Variants in GOLGA4 observed in about 807,000 individuals in gnomAD.
The protein encoded by GOLGA4 is golgin subfamily A member 4.
GOLGA4 carries 169 observed loss-of-function variants against 265.9 expected under a neutral mutation model. That is an observed-to-expected ratio of 0.64 (90% CI 0.56 to 0.72). GOLGA4 has a LOEUF of 0.72. Among genes scored for constraint, GOLGA4 ranks in the 30% least tolerant of loss-of-function variants. The pLI, the probability that GOLGA4 is intolerant of heterozygous loss-of-function variation, is 0.00. For synonymous variants in GOLGA4, 923 were observed against 855.8 expected (o/e 1.08, Z -1.37); for missense variants, 2,482 against 2,483.4 (o/e 1.00, Z 0.01).
In GOLGA4 at chr3:37,263,473, A is replaced by C. The variant is rs527248326; in HGVS notation, c.162+11989A>C. ...CCGATGGCTGTATTCTCTCCCTTGG[A>C]CACCCCTCCATGATGTTCACATGAC... On this transcript the variant is annotated intron_variant, in intron 2 of 23. Coordinates refer to ENST00000361924, the MANE Select transcript of GOLGA4 (RefSeq NM_002078.5). 2.0e-5 allele frequency among the ~76,000 whole-genome samples: 3 copies of C among 152,248 alleles called. No individual in the cohort carries two copies. The East Asian group carries it at 5.8e-4, about 29-fold the overall frequency.
At chr3:37,273,450 T>G in intron 2 of GOLGA4, 1 of 716,612 alleles carries the variant, frequency 1.4e-6, no homozygotes, top group Non-Finnish European at 2.4e-6. Flanking sequence ...ATCTGATAGG[T>G]CTTGGCACAT....
intron 2 of GOLGA4, among the ~76,000 whole-genome samples, chr3:37,272,223 C>T (rs892824532): frequency 6.6e-6 from 1 of 152,094 alleles, no homozygotes; most frequent in South Asian, 2.1e-4. Flanking sequence ...GAAACCCGTC[C>T]CTGGTGCCAA....
rs370629815 is a variant in GOLGA4, at chr3:37,311,636, A to G, written c.1235-3784A>G. On this transcript the variant is annotated intron_variant, in intron 10 of 23. Coordinates refer to ENST00000361924, the MANE Select transcript of GOLGA4 (RefSeq NM_002078.5). ...TACCATATGTCAATGAAAGATTTCA[A>G]TGGTTTCTTTCTAGGTGTGAAATTA... is the stretch of plus-strand genomic sequence containing the variant. Among the ~76,000 whole-genome samples the G allele has an allele frequency of 7.9e-4, 121 of 152,330 alleles. 5 individuals are homozygous for G. The South Asian group carries it at 0.024, about 30-fold the overall frequency.
chr3:37,292,827 G>A (rs1459935738), intron 5 of GOLGA4, among the ~76,000 whole-genome samples: 1 of 152,186 alleles, frequency 6.6e-6, no homozygotes, highest in Non-Finnish European at 1.5e-5. Flanking sequence ...ATGGATCTCT[G>A]AAAACATTAT....
intron 1 of GOLGA4, among the ~76,000 whole-genome samples, chr3:37,248,996 C>G (rs1426564035): frequency 6.6e-6 from 1 of 152,112 alleles, no homozygotes; most frequent in Non-Finnish European, 1.5e-5. Context: ...TCTAGTAGTA[C>G]TTTTCTAACT....
At chr3:37,273,738 G>A in intron 2 of GOLGA4, 2 of 575,258 alleles carry the variant, frequency 3.5e-6, no homozygotes, top group South Asian at 2.2e-5. Context: ...GGTAAACACA[G>A]GTTTGCTCAT....
In GOLGA4 at chr3:37,289,219, T is replaced by TC. The variant is rs779297543; in HGVS notation, c.526-15dup. The TC allele has an allele frequency of 5.3e-6, 8 of 1,503,874 alleles. No individual in the cohort carries two copies. The highest frequency in any genetic ancestry group is 4.2e-5 in the African/African-American group (3 of 71,706). The allele number at this position is 1,503,874 out of a possible 1,614,324, so 93.2% of individuals were successfully genotyped here. A position where few individuals can be genotyped will look rare whatever the true frequency, so the allele number is the denominator to read the frequency against. On this transcript the variant is annotated splice_polypyrimidine_tract_variant and intron_variant, in intron 4 of 23. Coordinates refer to ENST00000361924, the MANE Select transcript of GOLGA4 (RefSeq NM_002078.5). ...GTTAGCTGTTTAACCAGCTTTTTTT[T>TC]CTCTCTCAATTAAAGGGTATATTAA...
intron 10 of GOLGA4, among the ~76,000 whole-genome samples, chr3:37,310,505 A>C (rs2096920097): frequency 6.6e-6 from 1 of 152,164 alleles, no homozygotes; most frequent in Admixed American, 6.5e-5. Context: ...TGATGACTGA[A>C]TGGTTGGATT....
At chr3:37,275,948 C>CT in intron 2 of GOLGA4, 1 of 1,613,482 alleles carries the variant, frequency 6.2e-7, no homozygotes, top group Non-Finnish European at 8.5e-7. Context: ...TGAGAAAGAC[C>CT]TTGACGAAAA....
At chr3:37,317,841 A>T (rs2096942285) in intron 11 of GOLGA4, among the ~76,000 whole-genome samples, 1 of 152,162 alleles carries the variant, frequency 6.6e-6, no homozygotes, top group Admixed American at 6.5e-5. Context: ...AGGCCTTTGC[A>T]CATACGTCCT....
At position 37,325,337 on chromosome 3, in the gene GOLGA4, A is replaced by G. The variant is rs2096966926; in HGVS notation, c.3451A>G (p.Thr1151Ala). The change falls in exon 14 of 24, where the codon ACT (threonine) becomes GCT (alanine). Residue 1151 changes from threonine to alanine, a missense_variant. Transcript: ENST00000361924. ...CTTGAATAAGTCTCTGAAGGAAAAT[A>G]CTTTTCTTCAAGAGCAGCTAGTTGA... ...VDLNKSLKEN[T>A]FLQEQLVELK... 1 of 1,613,562 alleles carries G rather than the reference A, an allele frequency of 6.2e-7. No individual in the cohort carries two copies. The highest frequency in any genetic ancestry group is 1.7e-5 in the Admixed American group (1 of 59,986).
At chr3:37,278,816 T>C (rs1362408696) in intron 2 of GOLGA4, among the ~76,000 whole-genome samples, 4 of 149,740 alleles carry the variant, frequency 2.7e-5, no homozygotes, top group African/African-American at 9.7e-5. Flanking sequence ...TTGTTTACTT[T>C]TTTTTTTTTT....
chr3:37,249,311 T>C (rs2096727676), intron 1 of GOLGA4, among the ~76,000 whole-genome samples: 3 of 152,380 alleles, frequency 2.0e-5, no homozygotes, highest in Admixed American at 2.0e-4. Context: ...GTGCTTTCCC[T>C]TGCCATTTTC....
intron 2 of GOLGA4, among the ~76,000 whole-genome samples, chr3:37,262,863 G>A (rs2096773683): frequency 6.6e-6 from 1 of 152,078 alleles, no homozygotes; most frequent in South Asian, 2.1e-4. Context: ...GTGATGGACT[G>A]CATATATGAC....
intron 20 of GOLGA4, among the ~76,000 whole-genome samples, chr3:37,341,140 A>G (rs1377610763): frequency 6.6e-6 from 1 of 152,112 alleles, no homozygotes; most frequent in Non-Finnish European, 1.5e-5. Context: ...GCACTAAAAA[A>G]AAAAATGATC....
Position 37,243,370 on chromosome 3 carries a change from G to T in GOLGA4, c.-181G>T, listed in dbSNP as rs1310295363. On this transcript the variant is annotated 5_prime_UTR_variant, in exon 1 of 24. Transcript: ENST00000361924. The stretch of plus-strand genomic sequence containing the variant: ...CCCGGAAGAAAGAGACGCGGCGGCG[G>T]CGACGCCGACACCCTCAGGACGAGT... 5 of 585,640 alleles carry T rather than the reference G, an allele frequency of 8.5e-6. No individual in the cohort carries two copies. The highest frequency in any genetic ancestry group is 1.5e-5 in the Non-Finnish European group (5 of 326,416). The allele number at this position is 585,640 out of a possible 1,614,324, so 36.3% of individuals were successfully genotyped here.
At chr3:37,361,137 T>A in intron 22 of GOLGA4, 106 bp from the exon 23 acceptor site, 1 of 882,476 alleles carries the variant, frequency 1.1e-6, no homozygotes, top group Non-Finnish European at 1.9e-6. Context: ...GAGAAAAATT[T>A]AAGTACAGTC....
In GOLGA4 at chr3:37,320,618, A is replaced by T. The variant is rs138030996; in HGVS notation, c.1546-1113A>T. On this transcript the variant is annotated intron_variant, in intron 12 of 23. Transcript: ENST00000361924. ...ATTAAAGCATTTTACAAGAATTCTT[A>T]AACTGTAACAGTACAACATAAATTA... Among the ~76,000 whole-genome samples, 361 of 152,362 alleles carry T rather than the reference A, an allele frequency of 2.4e-3. 8 individuals carry two copies. In the East Asian group the frequency reaches 0.025, roughly 11 times the overall value.
chr3:37,337,532 A>G (rs920215769), intron 18 of GOLGA4, 134 bp from the exon 19 acceptor site: 5 of 647,050 alleles, frequency 7.7e-6, no homozygotes, highest in African/African-American at 1.8e-5. Flanking sequence ...TCTGAAAGTC[A>G]TGCATTTTAG....
Sources: gnomAD v4.1 joint callset for allele counts (sites outside exome capture counted in the v4.1 genomes callset) on GRCh38, gnomAD v4.1.1 for gene constraint, MANE v1.5 for transcripts, NCBI Gene and HGNC (gene_info 2026-07-23, HGNC 2026-07-21) for gene names.